The following CFAP97D2 variants were observed in gnomAD, a reference collection of about 807,000 sequenced individuals.
The protein encoded by CFAP97D2 is CFAP97 domain containing 2, also known as uncharacterized protein CFAP97D2.
At chr13:114,216,321 A>G (rs1454652201) in intron 4 of CFAP97D2, among the ~76,000 whole-genome samples, 1 of 152,122 alleles carries the variant, frequency 6.6e-6, no homozygotes, top group Non-Finnish European at 1.5e-5. Context: ...TTTAAGTTCT[A>G]GGGTACATGT....
Position 114,185,361 on chromosome 13 carries a change from C to T in CFAP97D2, c.90+5941C>T, listed in dbSNP as rs2080850722. Reference sequence around the variant, plus strand: ...GTGCAGTTGGGCACACAGGAGCAGGCAGAGAGGGGCCCAGTGGGGACCTGG... The same window carrying T: ...GTGCAGTTGGGCACACAGGAGCAGGTAGAGAGGGGCCCAGTGGGGACCTGG... On this transcript the variant is annotated intron_variant, in intron 1 of 4. Transcript: ENST00000646158. This position sits in a 1 kb window ranked among gnomAD's most constrained non-coding sequence, Gnocchi z 5.2. 6.6e-6 allele frequency among the ~76,000 whole-genome samples: 1 copy of T among 152,172 alleles called. No individual in the cohort carries two copies. The highest frequency in any genetic ancestry group is 2.4e-5 in the African/African-American group (1 of 41,434).
chr13:114,216,592 C>A (rs139815022), intron 4 of CFAP97D2, among the ~76,000 whole-genome samples: 9,929 of 152,258 alleles, frequency 0.065, 551 homozygotes, highest in African/African-American at 0.13. Context: ...TTTCCAGCTT[C>A]ATCCATGTCC....
At chr13:114,198,406 G>A (rs2080896754) in intron 2 of CFAP97D2, among the ~76,000 whole-genome samples, 2 of 152,176 alleles carry the variant, frequency 1.3e-5, no homozygotes, top group African/African-American at 4.8e-5. Flanking sequence ...AAAACAAGAG[G>A]CAGATTCTTT....
At chr13:114,212,733 T>A (rs2080973342) in intron 4 of CFAP97D2, among the ~76,000 whole-genome samples, 1 of 151,792 alleles carries the variant, frequency 6.6e-6, no homozygotes, top group South Asian at 2.1e-4. Context: ...AAAATTGCAA[T>A]CCCAGCTACT....
intron 1 of CFAP97D2, among the ~76,000 whole-genome samples, chr13:114,193,555 C>G (rs2080876262): frequency 6.6e-6 from 1 of 152,094 alleles, no homozygotes; most frequent in African/African-American, 2.4e-5. Context: ...GCATGAGAGA[C>G]CCCACTCCCA....
chr13:114,220,958 C>T lies in CFAP97D2; in HGVS notation c.481-1540C>T, dbSNP rs918734819. On this transcript the variant is annotated intron_variant, in intron 4 of 4. Transcript: ENST00000646158. ...TTTGCAAAAATGACTGTGAAAGTGA[C>T]TCACACTTGGCTGGGCATGGTGGCT... is the stretch of plus-strand genomic sequence containing the variant. 6.6e-5 allele frequency among the ~76,000 whole-genome samples: 10 copies of T among 152,368 alleles called. 1 individual carries two copies. The South Asian group carries it at 2.1e-3, about 32-fold the overall frequency.
Position 114,186,512 on chromosome 13 carries a change from C to T in CFAP97D2, c.90+7092C>T, listed in dbSNP as rs1451389570. ...GCAACACAAGCAGGGCTGAAACATG[C>T]CCCTTGTTCACCATGCTGTGGGTGA... On this transcript the variant is annotated intron_variant, in intron 1 of 4. Transcript: ENST00000646158. This position sits in a 1 kb window ranked among gnomAD's most constrained non-coding sequence, Gnocchi z 4.3. 6.6e-6 allele frequency among the ~76,000 whole-genome samples: 1 copy of T among 152,218 alleles called. No individual in the cohort carries two copies. The highest frequency in any genetic ancestry group is 1.5e-5 in the Non-Finnish European group (1 of 68,040).
At chr13:114,204,663 A>C (rs995945531) in intron 3 of CFAP97D2, among the ~76,000 whole-genome samples, 2 of 152,192 alleles carry the variant, frequency 1.3e-5, no homozygotes, top group East Asian at 1.9e-4. Flanking sequence ...ACCTCACACC[A>C]TATAGAAGAA....
intron 4 of CFAP97D2, among the ~76,000 whole-genome samples, chr13:114,219,591 AG>A (rs2081010869): frequency 6.6e-6 from 1 of 152,256 alleles, no homozygotes; most frequent in Non-Finnish European, 1.5e-5. Context: ...CTGCAGCCAC[AG>A]ACCAGTCACT....
At position 114,186,706 on chromosome 13, in the gene CFAP97D2, G is replaced by A. The variant is rs1230206330; in HGVS notation, c.90+7286G>A. Among the ~76,000 whole-genome samples, 3 of 152,230 alleles carry A rather than the reference G, an allele frequency of 2.0e-5. No individual in the cohort carries two copies. Among genetic ancestry groups the A allele is most frequent in the African/African-American group, 4.8e-5 (2 of 41,466 alleles). On this transcript the variant is annotated intron_variant, in intron 1 of 4. Transcript: ENST00000646158. This position sits in a 1 kb window ranked among gnomAD's most constrained non-coding sequence, Gnocchi z 4.3. ...CCAGTGCCAACTATGGAAGCTTCTT[G>A]CAGTATGCCTGGTCCAGGCACAGCC... is the stretch of plus-strand genomic sequence containing the variant.
chr13:114,191,281 T>G (rs184470066), intron 1 of CFAP97D2, among the ~76,000 whole-genome samples: 1 of 152,228 alleles, frequency 6.6e-6, no homozygotes, highest in Admixed American at 6.5e-5. Flanking sequence ...TGAACTTCAT[T>G]AAAATTAAAA....
chr13:114,219,972 C>T (rs527785923), intron 4 of CFAP97D2, among the ~76,000 whole-genome samples: 11 of 152,158 alleles, frequency 7.2e-5, no homozygotes, highest in Admixed American at 2.6e-4. Flanking sequence ...ATGCGTCTCT[C>T]GGTGGTGCTT....
rs1367282147 is a variant in CFAP97D2 at position 114,211,489 on chromosome 13, C to T, written c.291-423C>T. 6.6e-6 allele frequency among the ~76,000 whole-genome samples: 1 copy of T among 152,170 alleles called. No individual in the cohort carries two copies. Among genetic ancestry groups the T allele is most frequent in the Non-Finnish European group, 1.5e-5 (1 of 68,026 alleles). On this transcript the variant is annotated intron_variant, in intron 3 of 4. Transcript: ENST00000646158. This position sits in a 1 kb window ranked among gnomAD's most constrained non-coding sequence, Gnocchi z 4.2. ...ACCTCCCTCACCTCTCTCCCATGGG[C>T]GCCTGGGTGCTTGCCCTCCCCGCCT...
intron 1 of CFAP97D2, among the ~76,000 whole-genome samples, chr13:114,188,892 A>AAAATC (rs2080859926): frequency 6.6e-6 from 1 of 151,054 alleles, no homozygotes; most frequent in Non-Finnish European, 1.5e-5. Context: ...TCGATAGAGA[A>AAAATC]AAATCAATAA....
At chr13:114,210,187 C>A (rs1249058679) in intron 3 of CFAP97D2, among the ~76,000 whole-genome samples, 1 of 152,102 alleles carries the variant, frequency 6.6e-6, no homozygotes, top group Non-Finnish European at 1.5e-5. Flanking sequence ...TATATGTGAT[C>A]TTATATCCTG....
intron 4 of CFAP97D2, among the ~76,000 whole-genome samples, chr13:114,216,134 G>C (rs1397671028): frequency 3.3e-5 from 5 of 152,084 alleles, no homozygotes; most frequent in African/African-American, 1.2e-4. Flanking sequence ...TCTTCTGCTG[G>C]CTTTGCCCTT....
Position 114,211,712 on chromosome 13 carries a change from T to C in CFAP97D2, c.291-200T>C, listed in dbSNP as rs943973062. ...GCAAAGCGAGCGCGCCGGGGCTGAGTGTGCCCTTCGCTCCTCTCTGAGCCA... is the reference window on the plus strand; with the variant it reads ...GCAAAGCGAGCGCGCCGGGGCTGAGCGTGCCCTTCGCTCCTCTCTGAGCCA... On this transcript the variant is annotated intron_variant, in intron 3 of 4. Transcript: ENST00000646158. This position sits in a 1 kb window ranked among gnomAD's most constrained non-coding sequence, Gnocchi z 4.2. Among the ~76,000 whole-genome samples, 24 of 152,284 alleles carry C rather than the reference T, an allele frequency of 1.6e-4. No individual in the cohort carries two copies. Among genetic ancestry groups the C allele is most frequent in the African/African-American group, 5.8e-4 (24 of 41,572 alleles).
rs2138750796 is a variant in CFAP97D2 at position 114,185,688 on chromosome 13, G to A, written c.90+6268G>A. Reference sequence around the variant, plus strand: ...GGAGAAAAGTTGGGGCCAAGCCCAGGCACTGTCACAGCCCGGCTGGGTGTG... The same window carrying A: ...GGAGAAAAGTTGGGGCCAAGCCCAGACACTGTCACAGCCCGGCTGGGTGTG... On this transcript the variant is annotated intron_variant, in intron 1 of 4. Transcript: ENST00000646158. The surrounding 1 kb of genome is among the most constrained non-coding windows in gnomAD (Gnocchi z 5.2). Among the ~76,000 whole-genome samples the A allele has an allele frequency of 6.6e-6, 1 of 152,372 alleles. No homozygotes were observed. The highest frequency in any genetic ancestry group is 2.4e-5 in the African/African-American group (1 of 41,588).
Position 114,189,414 on chromosome 13 carries a change from A to T in CFAP97D2, c.91-6982A>T, listed in dbSNP as rs1272222646. ...AATTCTATTAAACATTTAAGGAAGAAATTTTACCTATTCTCTACAATCGCT... is the reference window on the plus strand; with the variant it reads ...AATTCTATTAAACATTTAAGGAAGATATTTTACCTATTCTCTACAATCGCT... On this transcript the variant is annotated intron_variant, in intron 1 of 4. Transcript: ENST00000646158. This position sits in a 1 kb window ranked among gnomAD's most constrained non-coding sequence, Gnocchi z 4.5. Among the ~76,000 whole-genome samples the T allele has an allele frequency of 6.6e-6, 1 of 152,206 alleles. No individual in the cohort carries two copies. Among genetic ancestry groups the T allele is most frequent in the Non-Finnish European group, 1.5e-5 (1 of 68,036 alleles).
Sources: gnomAD v4.1 joint callset for allele counts (sites outside exome capture counted in the v4.1 genomes callset) on GRCh38, gnomAD v4.1.1 for gene constraint, Gnocchi (gnomAD v3.1) non-coding constraint, MANE v1.5 for transcripts, NCBI Gene and HGNC (gene_info 2026-07-23, HGNC 2026-07-21) for gene names.